The following OPHN1 variants were observed in gnomAD, a reference collection of about 807,000 sequenced individuals.
The protein encoded by OPHN1 is oligophrenin 1.
In OPHN1, 11 loss-of-function variants were observed where a neutral mutation model predicts 60.7. That is an observed-to-expected ratio of 0.18 (90% CI 0.11 to 0.30). OPHN1 has a LOEUF of 0.30. OPHN1 is among the 10% of genes least tolerant of loss of function. The pLI is 1.00. For missense variants in OPHN1, 449 were observed against 611.0 expected (o/e 0.73, Z 2.80); for synonymous variants, 226 against 222.6 (o/e 1.02, Z -0.14).
intron 21 of OPHN1, among the ~76,000 whole-genome samples, chrX:68,056,113 AG>A (rs2076872218): frequency 1.8e-5 from 2 of 111,560 alleles, no homozygotes; most frequent in East Asian, 5.6e-4. Context: ...TTAAAAAAAA[AG>A]AAAGAAAAAC....
rs755864683 is a variant in OPHN1, at chrX:68,188,377, T to G, written c.1276+4542A>C. On this transcript the variant is annotated intron_variant, in intron 15 of 24. Coordinates refer to ENST00000355520, the MANE Select transcript of OPHN1 (RefSeq NM_002547.3). ...GGAAAGGGTAACAGTAAATATCCAT[T>G]GATAAATTACTTCAAACTCTAGTGG... 3.6e-5 allele frequency among the ~76,000 whole-genome samples: 4 copies of G among 112,340 alleles called. No homozygotes were observed. The South Asian group carries it at 1.5e-3, about 41-fold the overall frequency.
intron 2 of OPHN1, among the ~76,000 whole-genome samples, chrX:68,354,558 G>C (rs1223331829): frequency 6.7e-5 from 7 of 104,055 alleles, no homozygotes; most frequent in African/African-American, 2.5e-4. Flanking sequence ...AGGAGTTTGA[G>C]ACCAGCCTGG....
At chrX:68,352,160 G>A (rs964124194) in intron 2 of OPHN1, among the ~76,000 whole-genome samples, 2 of 109,352 alleles carry the variant, frequency 1.8e-5, no homozygotes, top group African/African-American at 3.3e-5. Flanking sequence ...GACGTGAGCC[G>A]CCACGCCCAG....
chrX:68,217,068 C>T (rs1005878996), intron 6 of OPHN1, among the ~76,000 whole-genome samples: 6 of 111,360 alleles, frequency 5.4e-5, no homozygotes, highest in Admixed American at 1.9e-4. Flanking sequence ...TCAGTGGGTG[C>T]GCGCACCGTG....
intron 15 of OPHN1, among the ~76,000 whole-genome samples, chrX:68,147,629 A>G (rs1377192024): frequency 8.9e-6 from 1 of 111,813 alleles, no homozygotes; most frequent in East Asian, 2.8e-4. Flanking sequence ...TGAGAATTAA[A>G]TAAGTTCATA....
intron 19 of OPHN1, among the ~76,000 whole-genome samples, chrX:68,075,129 G>GA (rs1345572371): frequency 2.7e-5 from 3 of 112,272 alleles, no homozygotes; most frequent in East Asian, 5.6e-4. Flanking sequence ...CTGAGAGACT[G>GA]AAAAAAACAA....
At chrX:68,195,048 AAGGAAGGAAGGAAGG>A (rs1380995260) in intron 12 of OPHN1, among the ~76,000 whole-genome samples, 5 of 105,542 alleles carry the variant, frequency 4.7e-5, no homozygotes, top group African/African-American at 1.4e-4. Context: ...GGAAGGAAGG[AAGGAAGGAAGGAAGG>A]AAGAAAGAAA....
At chrX:68,193,354 T>C (rs73528462) in intron 14 of OPHN1, among the ~76,000 whole-genome samples, 1,752 of 111,746 alleles carry the variant, frequency 0.016, 36 homozygotes, top group African/African-American at 0.055. Flanking sequence ...AGCAGTGATA[T>C]AAATCACGAG....
intron 5 of OPHN1, among the ~76,000 whole-genome samples, chrX:68,267,710 C>A (rs1462354306): frequency 8.9e-6 from 1 of 111,857 alleles, no homozygotes; most frequent in Non-Finnish European, 1.9e-5. Flanking sequence ...AACAGAGACA[C>A]AAAAAATGCT....
intron 15 of OPHN1, among the ~76,000 whole-genome samples, chrX:68,183,086 A>T (rs2077445811): frequency 8.9e-6 from 1 of 111,923 alleles, no homozygotes; most frequent in African/African-American, 3.2e-5. Flanking sequence ...ACACTCCATT[A>T]AACTAAACAT....
At chrX:68,071,120 C>G in intron 20 of OPHN1, 2 of 983,855 alleles carry the variant, frequency 2.0e-6, no homozygotes, top group Non-Finnish European at 2.9e-6. Flanking sequence ...TGGATCTTGT[C>G]TGCAAATTTA....
intron 9 of OPHN1, among the ~76,000 whole-genome samples, chrX:68,207,848 T>G (rs1490811905): frequency 9.0e-6 from 1 of 111,223 alleles, no homozygotes; most frequent in Non-Finnish European, 1.9e-5. Context: ...GAGGCAGTAT[T>G]ATTAATAATT....
chrX:68,229,888 G>A lies in OPHN1; in HGVS notation c.486+4599C>T, dbSNP rs192038415. 3.1e-3 allele frequency among the ~76,000 whole-genome samples: 352 copies of A among 111,763 alleles called. 1 individual carries two copies. Among genetic ancestry groups the A allele is most frequent in the African/African-American group, 0.011 (332 of 30,751 alleles). ...CATGTCTAAAACACCAAAAGCAATG[G>A]CAACAAAAGCCAAAATTGACAAATG... On this transcript the variant is annotated intron_variant, in intron 6 of 24. Transcript: ENST00000355520.
chrX:68,066,677 C>T (rs1218581370), intron 20 of OPHN1, among the ~76,000 whole-genome samples: 1 of 111,675 alleles, frequency 9.0e-6, no homozygotes, highest in Non-Finnish European at 1.9e-5. Flanking sequence ...TGGATTATCT[C>T]ATGTAATCCT....
At chrX:68,379,132 T>A (rs781288967) in intron 2 of OPHN1, among the ~76,000 whole-genome samples, 1 of 111,235 alleles carries the variant, frequency 9.0e-6, no homozygotes, top group Admixed American at 9.6e-5. Flanking sequence ...GTAGTTCTCC[T>A]TGAAGAGGTC....
chrX:68,433,685 G>A (rs1055693131), upstream of OPHN1: 4 of 296,226 alleles, frequency 1.4e-5, no homozygotes, highest in Non-Finnish European at 5.9e-6. Context: ...CCTGGTGCAA[G>A]GGAGCCGGCC....
chrX:68,164,610 C>A (rs2077349588), intron 15 of OPHN1, among the ~76,000 whole-genome samples: 1 of 111,944 alleles, frequency 8.9e-6, no homozygotes, highest in Admixed American at 9.5e-5. Flanking sequence ...AGAGCACAGG[C>A]AGAGTGGCTT....
chrX:68,328,273 C>T (rs911854209), intron 2 of OPHN1, among the ~76,000 whole-genome samples: 4 of 108,310 alleles, frequency 3.7e-5, no homozygotes, highest in Non-Finnish European at 7.6e-5. Context: ...GGACTACAGG[C>T]GCCTGCCACC....
chrX:68,083,294 G>C (rs2076982486), intron 19 of OPHN1, among the ~76,000 whole-genome samples: 1 of 106,087 alleles, frequency 9.4e-6, no homozygotes, highest in African/African-American at 3.4e-5. Context: ...GGATGGTCTC[G>C]ATCTCCTGAC....
Sources: gnomAD v4.1 joint callset for allele counts (sites outside exome capture counted in the v4.1 genomes callset) on GRCh38, gnomAD v4.1.1 for gene constraint, MANE v1.5 for transcripts, NCBI Gene and HGNC (gene_info 2026-07-23, HGNC 2026-07-21) for gene names.